The following PCDHGB3 variants were observed in gnomAD, a reference collection of about 807,000 sequenced individuals.
PCDHGB3 encodes protocadherin gamma subfamily B, 3.
PCDHGB3 carries 40 observed loss-of-function variants against 59.2 expected under a neutral mutation model. The observed-to-expected ratio is 0.68, with a 90% CI of 0.52 to 0.88. The LOEUF is 0.88. PCDHGB3 is among the 40% of genes least tolerant of loss of function. PCDHGB3 has a pLI of 0.00. For missense variants in PCDHGB3, 1,309 were observed against 1,187.9 expected, an observed-to-expected ratio of 1.10 and a Z score of -1.50; for synonymous variants, 581 against 503.6, an observed-to-expected ratio of 1.15 and a Z score of -2.06.
At chr5:141,426,775 A>G (rs2096959432) in intron 1 of PCDHGB3, 1 of 456,496 alleles carries the variant, frequency 2.2e-6, no homozygotes, top group South Asian at 1.5e-5. Context: ...GTAGGGCCTC[A>G]CTCTCTCCAG....
rs1370450155 is a variant in PCDHGB3, at chr5:141,431,480, G to T, written c.2415+58671G>T. On this transcript the variant is annotated intron_variant, in intron 1 of 3. Coordinates refer to ENST00000576222, the MANE Select transcript of PCDHGB3 (RefSeq NM_018924.5). This position sits in a 1 kb window ranked among gnomAD's most constrained non-coding sequence, Gnocchi z 4.8. Reference sequence around the variant, plus strand: ...TCTGGATGCGAACGACAACGCACCAGCGTTTGCTCAGCCCGAGTACCGCGC... The same window carrying T: ...TCTGGATGCGAACGACAACGCACCATCGTTTGCTCAGCCCGAGTACCGCGC... 3 of 1,613,924 alleles carry T rather than the reference G, an allele frequency of 1.9e-6. No individual in the cohort carries two copies. Among genetic ancestry groups the T allele is most frequent in the Non-Finnish European group, 2.5e-6 (3 of 1,179,990 alleles).
Position 141,432,298 on chromosome 5 carries a change from A to T in PCDHGB3, c.2415+59489A>T. Reference sequence around the variant, plus strand: ...TGTCCATCAACTCCGACACTGGGGTACTGTATGCGCTGAGCTCCTTCGACT... The same window carrying T: ...TGTCCATCAACTCCGACACTGGGGTTCTGTATGCGCTGAGCTCCTTCGACT... On this transcript the variant is annotated intron_variant, in intron 1 of 3. Transcript: ENST00000576222. The surrounding 1 kb of genome is among the most constrained non-coding windows in gnomAD (Gnocchi z 6.0). The T allele has an allele frequency of 6.2e-7, 1 of 1,614,236 alleles. No homozygotes were observed. Among genetic ancestry groups the T allele is most frequent in the Non-Finnish European group, 8.5e-7 (1 of 1,180,036 alleles).
At chr5:141,504,017 T>G (rs1186684262) in intron 2 of PCDHGB3, among the ~76,000 whole-genome samples, 1 of 152,150 alleles carries the variant, frequency 6.6e-6, no homozygotes, top group Non-Finnish European at 1.5e-5. Context: ...TCTCTGCTGG[T>G]CTCTTCCCAC....
chr5:141,489,283 G>A lies in PCDHGB3; in HGVS notation c.2416-5524G>A. The A allele has an allele frequency of 6.4e-7, 1 of 1,569,594 alleles. No homozygotes were observed. Among genetic ancestry groups the A allele is most frequent in the Admixed American group, 1.8e-5 (1 of 55,646 alleles). ...CCCACAGCTCGCTGGGAAATGGCAA[G>A]TGCTGTGCATGTTGTCCTTGTGCTG... On this transcript the variant is annotated intron_variant, in intron 1 of 3. Coordinates refer to ENST00000576222, the MANE Select transcript of PCDHGB3 (RefSeq NM_018924.5). This position sits in a 1 kb window ranked among gnomAD's most constrained non-coding sequence, Gnocchi z 4.5.
intron 1 of PCDHGB3, among the ~76,000 whole-genome samples, chr5:141,475,629 C>T (rs77593456): frequency 0.054 from 8,157 of 152,234 alleles, 446 homozygotes; most frequent in African/African-American, 0.15. Flanking sequence ...TGGTTCGATC[C>T]CCTTTCTTGT....
At chr5:141,408,784 A>G (rs777838376) in intron 1 of PCDHGB3, 2 of 1,612,506 alleles carry the variant, frequency 1.2e-6, no homozygotes, top group Admixed American at 1.7e-5. Context: ...ACCCAGAGTT[A>G]TCTCTGGAGA....
chr5:141,423,749 T>TG, intron 1 of PCDHGB3: 2 of 272,262 alleles, frequency 7.3e-6, no homozygotes, highest in Non-Finnish European at 4.7e-6. Flanking sequence ...TGAAAACTGT[T>TG]TGGGGGGGGG....
chr5:141,430,578 C>A (rs1561846151), intron 1 of PCDHGB3: 8 of 470,816 alleles, frequency 1.7e-5, no homozygotes, highest in East Asian at 1.0e-4. Flanking sequence ...AGCGGAGATC[C>A]TGCTCGCCTT....
intron 1 of PCDHGB3, chr5:141,403,792 A>G: frequency 1.2e-6 from 2 of 1,613,922 alleles, no homozygotes; most frequent in African/African-American, 1.3e-5. Context: ...TGGCATACAA[A>G]TTCTGGAAAA....
chr5:141,388,923 TTCCAG>T (rs1561622090), intron 1 of PCDHGB3: 2 of 1,614,002 alleles, frequency 1.2e-6, no homozygotes, highest in Admixed American at 1.7e-5. Context: ...AGAAGTGATA[TTCCAG>T]TCTCTACCCA....
chr5:141,435,372 T>C (rs2097759153), intron 1 of PCDHGB3, among the ~76,000 whole-genome samples: 1 of 152,216 alleles, frequency 6.6e-6, no homozygotes, highest in African/African-American at 2.4e-5. Context: ...CACTTAAATA[T>C]ACAATATACC....
rs368585389 is a variant in PCDHGB3, at chr5:141,419,428, G to A, written c.2415+46619G>A. On this transcript the variant is annotated intron_variant, in intron 1 of 3. Coordinates refer to ENST00000576222, the MANE Select transcript of PCDHGB3 (RefSeq NM_018924.5). ...TCGCGCAGCGCGCCTTCGACCACGAGCAGCTGCGCACCTTCGAGCTCACGC... is the reference window on the plus strand; with the variant it reads ...TCGCGCAGCGCGCCTTCGACCACGAACAGCTGCGCACCTTCGAGCTCACGC... 4 of 1,613,192 alleles carry A rather than the reference G, an allele frequency of 2.5e-6. No individual in the cohort carries two copies. In the African/African-American group the frequency reaches 4.0e-5, roughly 16 times the overall value.
At chr5:141,414,639 T>A in intron 1 of PCDHGB3, 1 of 1,613,966 alleles carries the variant, frequency 6.2e-7, no homozygotes, top group South Asian at 1.1e-5. Context: ...GCAAAGAGAA[T>A]GCCCAGATTA....
intron 1 of PCDHGB3, chr5:141,410,115 C>G (rs1361621262): frequency 6.2e-7 from 1 of 1,612,624 alleles, no homozygotes; most frequent in African/African-American, 1.3e-5. Flanking sequence ...AGGGACGCAG[C>G]CCGCCAGCGC....
intron 1 of PCDHGB3, chr5:141,393,092 G>A (rs2092676024): frequency 6.2e-7 from 1 of 1,613,644 alleles, no homozygotes; most frequent in Non-Finnish European, 8.5e-7. Flanking sequence ...TAGATCGGGA[G>A]GAGCTCTGCG....
chr5:141,377,979 G>T (rs887213407), intron 1 of PCDHGB3: 4 of 152,086 alleles, frequency 2.6e-5, no homozygotes, highest in Non-Finnish European at 5.9e-5. Context: ...ATGTTCCTGG[G>T]TTGCAATCCT....
chr5:141,374,327 G>T (rs766746841), intron 1 of PCDHGB3: 3 of 1,613,866 alleles, frequency 1.9e-6, no homozygotes, highest in Non-Finnish European at 2.5e-6. Context: ...TCCGCGAAAC[G>T]GCAGCTTGGT....
intron 1 of PCDHGB3, among the ~76,000 whole-genome samples, chr5:141,453,479 A>G (rs1345415084): frequency 1.3e-5 from 2 of 152,082 alleles, no homozygotes; most frequent in Non-Finnish European, 2.9e-5. Context: ...AGTCAAAACT[A>G]TTAAAAAAAG....
In PCDHGB3 at chr5:141,413,207, C is replaced by G. The variant is rs563279284; in HGVS notation, c.2415+40398C>G. The G allele has an allele frequency of 2.1e-4, 334 of 1,612,874 alleles. 3 individuals carry two copies. In the South Asian group the frequency reaches 3.4e-3, roughly 17 times the overall value. On this transcript the variant is annotated intron_variant, in intron 1 of 3. Coordinates refer to ENST00000576222, the MANE Select transcript of PCDHGB3 (RefSeq NM_018924.5). ...GCTCAAAGGAATCGCTCAAAGGAAT[C>G]AAAGGATTGCAGCGGGCTGGTCCTG... is the stretch of plus-strand genomic sequence containing the variant.
Sources: allele counts gnomAD v4.1 joint callset (sites outside exome capture counted in the v4.1 genomes callset), GRCh38; gene constraint gnomAD v4.1.1; non-coding constraint Gnocchi (gnomAD v3.1); transcripts MANE v1.5; gene names NCBI Gene and HGNC (gene_info 2026-07-23, HGNC 2026-07-21).